Variants in FMNL2 observed in about 807,000 individuals in gnomAD.
FMNL2 encodes formin like 2.
A neutral mutation model predicts 130.2 loss-of-function variants in FMNL2; 51 were observed. That is an observed-to-expected ratio of 0.39 (90% CI 0.31 to 0.49). The LOEUF (loss-of-function observed/expected upper bound fraction) is 0.49, where lower values mean the gene tolerates loss of function less well. FMNL2 is among the 20% of genes least tolerant of loss of function. The pLI is 0.85. For missense variants in FMNL2, 977 were observed against 1,316.2 expected, an observed-to-expected ratio of 0.74 and a Z score of 3.99; for synonymous variants, 465 against 467.1, an observed-to-expected ratio of 1.00 and a Z score of 0.06.
At chr2:152,353,480 A>G (rs1008046122) in intron 1 of FMNL2, among the ~76,000 whole-genome samples, 6 of 152,224 alleles carry the variant, frequency 3.9e-5, no homozygotes, top group African/African-American at 1.4e-4. Context: ...GAAAGTAAGT[A>G]TATGTCCCTA....
In FMNL2 at chr2:152,434,309, A is replaced by AG. The variant is rs576020807; in HGVS notation, c.118-87629dup. Among the ~76,000 whole-genome samples, 43 of 152,282 alleles carry AG rather than the reference A, an allele frequency of 2.8e-4. No homozygotes were observed. The South Asian group carries it at 5.2e-3, about 18-fold the overall frequency. On this transcript the variant is annotated intron_variant, in intron 1 of 25. Coordinates refer to ENST00000288670, the MANE Select transcript of FMNL2 (RefSeq NM_052905.4). ...GGCCCATGTAAAATTTACAAATGGC[A>AG]GGGGGTATGGAGGAATAAAGGCATT...
intron 2 of FMNL2, among the ~76,000 whole-genome samples, chr2:152,522,899 C>A (rs1217662276): frequency 6.6e-6 from 1 of 152,138 alleles, no homozygotes; most frequent in Non-Finnish European, 1.5e-5. Flanking sequence ...AAAGCCTCAG[C>A]TATAGATTTC....
chr2:152,412,444 TTTTATATATA>T lies in FMNL2; in HGVS notation c.117+76726_117+76735del, dbSNP rs1407283726. Reference sequence around the variant, plus strand: ...ATTTCCTCTTACTTTCTTCTGTATATTTTATATATATATATATATATATATATATATATAT... The same window carrying T: ...ATTTCCTCTTACTTTCTTCTGTATATTATATATATATATATATATATATAT... On this transcript the variant is annotated intron_variant, in intron 1 of 25. Transcript: ENST00000288670. Among the ~76,000 whole-genome samples, 42 of 103,362 alleles carry T rather than the reference TTTTATATATA, an allele frequency of 4.1e-4. 1 individual carries two copies. Among genetic ancestry groups the T allele is most frequent in the South Asian group, 2.2e-3 (6 of 2,760 alleles). The allele number at this position is 103,362 out of a possible 152,430, so 67.8% of individuals were successfully genotyped here.
At chr2:152,550,761 G>T (rs1694894564) in intron 4 of FMNL2, among the ~76,000 whole-genome samples, 1 of 152,204 alleles carries the variant, frequency 6.6e-6, no homozygotes, top group African/African-American at 2.4e-5. Flanking sequence ...ATTCGATTTT[G>T]TTTGGTCCAA....
intron 1 of FMNL2, among the ~76,000 whole-genome samples, chr2:152,490,710 A>T (rs1035449648): frequency 4.0e-5 from 6 of 149,670 alleles, no homozygotes; most frequent in African/African-American, 1.5e-4. Flanking sequence ...CTAAAACTCT[A>T]CAGGAAACAG....
chr2:152,442,159 T>A (rs1688083247), intron 1 of FMNL2, among the ~76,000 whole-genome samples: 1 of 152,270 alleles, frequency 6.6e-6, no homozygotes, highest in Non-Finnish European at 1.5e-5. Flanking sequence ...GTTAACCTCC[T>A]CAGCGTCACC....
At chr2:152,510,960 C>T (rs932979222) in intron 1 of FMNL2, among the ~76,000 whole-genome samples, 1 of 152,172 alleles carries the variant, frequency 6.6e-6, no homozygotes, top group Non-Finnish European at 1.5e-5. Flanking sequence ...GAACATGGCT[C>T]CTTCATGAGT....
intron 1 of FMNL2, among the ~76,000 whole-genome samples, chr2:152,456,962 C>G (rs919111376): frequency 6.8e-6 from 1 of 145,988 alleles, no homozygotes; most frequent in Non-Finnish European, 1.5e-5. Flanking sequence ...AAAATTGCTA[C>G]AAAGGAATCC....
chr2:152,346,674 A>T (rs1026494114), intron 1 of FMNL2, among the ~76,000 whole-genome samples: 2 of 152,158 alleles, frequency 1.3e-5, no homozygotes, highest in Admixed American at 6.5e-5. Context: ...CAACAAAAAA[A>T]GTTCCACGAT....
At chr2:152,463,112 G>A (rs1477434431) in intron 1 of FMNL2, among the ~76,000 whole-genome samples, 5 of 152,206 alleles carry the variant, frequency 3.3e-5, no homozygotes, top group African/African-American at 1.2e-4. Context: ...CTAGTTGTTA[G>A]AAGAGGAGTT....
chr2:152,510,139 A>G (rs551904143), intron 1 of FMNL2, among the ~76,000 whole-genome samples: 1 of 152,354 alleles, frequency 6.6e-6, no homozygotes, highest in Admixed American at 6.5e-5. Context: ...CCACGTACAA[A>G]TAGATAATGA....
chr2:152,522,469 G>C (rs939868763), intron 2 of FMNL2, among the ~76,000 whole-genome samples: 1 of 152,174 alleles, frequency 6.6e-6, no homozygotes, highest in South Asian at 2.1e-4. Flanking sequence ...GTTATATCAA[G>C]TTGATATGGT....
At chr2:152,611,686 G>C in intron 11 of FMNL2, 81 bp downstream of exon 11, 1 of 864,660 alleles carries the variant, frequency 1.2e-6, no homozygotes, top group Non-Finnish European at 1.9e-6. Context: ...TTCCATAGCA[G>C]CTAAAGAATG....
intron 1 of FMNL2, among the ~76,000 whole-genome samples, chr2:152,483,189 C>T (rs1033869429): frequency 5.9e-5 from 9 of 151,976 alleles, no homozygotes; most frequent in African/African-American, 1.7e-4. Flanking sequence ...AAAACACACA[C>T]GCAAACAGAA....
At chr2:152,645,625 G>A in intron 25 of FMNL2, 1 of 713,602 alleles carries the variant, frequency 1.4e-6, no homozygotes, top group Non-Finnish European at 2.0e-6. Context: ...AATCTGACCA[G>A]GGAGTTTTTG....
At chr2:152,593,040 G>C (rs1289273091) in intron 9 of FMNL2, among the ~76,000 whole-genome samples, 1 of 152,170 alleles carries the variant, frequency 6.6e-6, no homozygotes, top group Non-Finnish European at 1.5e-5. Flanking sequence ...GAAGAGACCT[G>C]ATTTGATGGA....
intron 1 of FMNL2, among the ~76,000 whole-genome samples, chr2:152,423,176 TAAA>T (rs970702532): frequency 1.3e-4 from 20 of 152,340 alleles, no homozygotes; most frequent in African/African-American, 4.3e-4. Context: ...TTTTTTGTGT[TAAA>T]AACAATCCAG....
At chr2:152,483,159 T>C (rs1203592924) in intron 1 of FMNL2, among the ~76,000 whole-genome samples, 1 of 152,154 alleles carries the variant, frequency 6.6e-6, no homozygotes, top group East Asian at 1.9e-4. Context: ...TTGTTTTTCA[T>C]GGTATTTTGA....
intron 25 of FMNL2, 116 bp from the exon 26 acceptor site, chr2:152,647,680 C>T: frequency 1.2e-6 from 1 of 858,044 alleles, no homozygotes. Context: ...TTGAAGGGCC[C>T]ATTAGCTGAC....
Sources: allele counts gnomAD v4.1 joint callset (sites outside exome capture counted in the v4.1 genomes callset), GRCh38; gene constraint gnomAD v4.1.1; transcripts MANE v1.5; gene names NCBI Gene and HGNC (gene_info 2026-07-23, HGNC 2026-07-21).